The following GCA variants were observed in gnomAD, a reference collection of about 807,000 sequenced individuals.
The protein encoded by GCA is grancalcin.
A neutral mutation model predicts 32.6 loss-of-function variants in GCA; 30 were observed. That is an observed-to-expected ratio of 0.92 (90% confidence interval 0.69 to 1.25). The LOEUF is 1.25. Ranked by LOEUF, GCA falls within the 50% of genes most tolerant of loss-of-function variation. GCA has a pLI of 0.00. For missense variants in GCA, 291 were observed against 266.8 expected, an observed-to-expected ratio of 1.09 and a Z score of -0.63; for synonymous variants, 102 against 84.6, an observed-to-expected ratio of 1.21 and a Z score of -1.13.
At chr2:162,368,013 T>C (rs1037292589), downstream of GCA, among the ~76,000 whole-genome samples, 6 of 151,960 alleles carry the variant, frequency 3.9e-5, no homozygotes, top group Non-Finnish European at 8.8e-5. Flanking sequence ...TCTACATTAG[T>C]AATTCTCAAA....
intron 5 of GCA, among the ~76,000 whole-genome samples, chr2:162,357,196 T>A (rs893755080): frequency 2.0e-5 from 3 of 151,886 alleles, no homozygotes; most frequent in African/African-American, 7.2e-5. Context: ...TTGTATTCTT[T>A]TATAACTTGG....
chr2:162,371,183 G>A (rs2105379242), intron 4 of GCA: 1 of 366,536 alleles, frequency 2.7e-6, no homozygotes, highest in Non-Finnish European at 5.3e-6. Flanking sequence ...AAATGCAATT[G>A]GTGACATAAT....
intron 1 of GCA, among the ~76,000 whole-genome samples, chr2:162,328,953 G>A (rs529100588): frequency 4.1e-4 from 63 of 152,256 alleles, no homozygotes; most frequent in Non-Finnish European, 7.5e-4. Context: ...GCCAAACTCC[G>A]CATCATTCTG....
chr2:162,322,791 T>G (rs1683728697), intron 1 of GCA, among the ~76,000 whole-genome samples: 1 of 151,782 alleles, frequency 6.6e-6, no homozygotes, highest in South Asian at 2.1e-4. Context: ...CCACATTTTC[T>G]TAATCCAGTC....
downstream of GCA, among the ~76,000 whole-genome samples, chr2:162,365,460 A>G (rs1445753681): frequency 6.6e-6 from 1 of 151,702 alleles, no homozygotes; most frequent in Non-Finnish European, 1.5e-5. Flanking sequence ...TCTGCACAGA[A>G]TATTTCAAAA....
rs766783966 is a variant in GCA at position 162,359,550 on chromosome 2, G to T, written c.625G>T (p.Asp209Tyr). 3 of 1,504,292 alleles carry T rather than the reference G, an allele frequency of 2.0e-6. No homozygotes were observed. The highest frequency in any genetic ancestry group is 2.8e-6 in the Non-Finnish European group (3 of 1,089,868). The allele number at this position is 1,504,292 out of a possible 1,614,324, so 93.2% of individuals were successfully genotyped here. The part of the protein sequence containing the change: ...QQGSANFIYD[D>Y]FLQGTMAI ...AGGGTCTGCGAATTTCATATATGAC[G>T]ATGTGAGTATCCTGCTTTTGATATT... Residue 209 changes from aspartate (D) to tyrosine (Y), a missense_variant and splice_region_variant, in exon 7 of 8, where the codon GAT becomes TAT. Transcript: ENST00000437150.
At chr2:162,369,139 C>A (rs2105373834) in intron 4 of GCA, among the ~76,000 whole-genome samples, 1 of 152,204 alleles carries the variant, frequency 6.6e-6, no homozygotes, top group East Asian at 1.9e-4. Flanking sequence ...TTCAACCTGG[C>A]TCTCGGCATG....
chr2:162,347,858 A>G, intron 2 of GCA, 116 bp downstream of exon 2: 1 of 541,182 alleles, frequency 1.8e-6, no homozygotes, highest in Non-Finnish European at 2.9e-6. Flanking sequence ...ATATGTATCT[A>G]GACTAATTTT....
chr2:162,362,092 C>T lies in GCA; in HGVS notation c.*1849C>T. 5.1e-6 allele frequency: 5 copies of T among 983,710 alleles called. No homozygotes were observed. Among genetic ancestry groups the T allele is most frequent in the Non-Finnish European group, 6.0e-6 (5 of 828,650 alleles). 60.9% of individuals were successfully genotyped at this position (983,710 alleles called of 1,614,324 possible). A position where few individuals can be genotyped will look rare whatever the true frequency, so the allele number is the denominator to read the frequency against. ...TAAAAATGTTCTTATGACTTTTGGT[C>T]ATAGAAGGTCTATGAAGGAGCTTCC... On this transcript the variant is annotated 3_prime_UTR_variant, in exon 8 of 8. Coordinates refer to ENST00000437150, the MANE Select transcript of GCA (RefSeq NM_012198.5).
At chr2:162,352,734 A>AGATGAG (rs985143489) in intron 3 of GCA, among the ~76,000 whole-genome samples, 12 of 152,208 alleles carry the variant, frequency 7.9e-5, no homozygotes, top group Admixed American at 2.6e-4. Flanking sequence ...CTGCTATGAA[A>AGATGAG]GATGAGGATT....
intron 1 of GCA, among the ~76,000 whole-genome samples, chr2:162,324,961 T>C (rs564501425): frequency 3.9e-5 from 6 of 152,172 alleles, no homozygotes; most frequent in East Asian, 1.9e-4. Context: ...TCCGATTGCC[T>C]GACCATTTGG....
chr2:162,371,175 A>G (rs567558130), intron 4 of GCA: 12 of 355,116 alleles, frequency 3.4e-5, no homozygotes, highest in Middle Eastern at 4.6e-4. Context: ...TGGTTTGTAA[A>G]TGCAATTGGT....
In GCA at chr2:162,362,950, A is replaced by G. The variant is rs1685638585; in HGVS notation, c.*2707A>G. 1.3e-5 allele frequency among the ~76,000 whole-genome samples: 2 copies of G among 151,394 alleles called. No homozygotes were observed. The highest frequency in any genetic ancestry group is 1.3e-4 in the Admixed American group (2 of 15,114). ...ATGTTTATTTCCAAAAAAGGCATTT[A>G]CCCTAGAAGAAAGTAGAATCTGTTA... On this transcript the variant is annotated 3_prime_UTR_variant, in exon 8 of 8. Coordinates refer to ENST00000437150, the MANE Select transcript of GCA (RefSeq NM_012198.5).
At chr2:162,337,890 A>G (rs1684320502) in intron 1 of GCA, among the ~76,000 whole-genome samples, 1 of 152,168 alleles carries the variant, frequency 6.6e-6, no homozygotes, top group African/African-American at 2.4e-5. Context: ...TTGTGTAGTG[A>G]AAGGTGACAG....
At chr2:162,353,353 A>G (rs897424587) in intron 3 of GCA, among the ~76,000 whole-genome samples, 4 of 152,122 alleles carry the variant, frequency 2.6e-5, no homozygotes, top group Non-Finnish European at 4.4e-5. Flanking sequence ...CTGTAGTCCC[A>G]GCTACTCGGG....
At chr2:162,339,781 C>T (rs904180385), upstream of GCA, among the ~76,000 whole-genome samples, 5 of 152,206 alleles carry the variant, frequency 3.3e-5, no homozygotes, top group African/African-American at 9.6e-5. Context: ...AGGCACTGAC[C>T]TTGTGGGCAG....
rs1012710014 is a variant in GCA, at chr2:162,361,533, G to T, written c.*1290G>T. ...CATGTTTCTTAATGGATGGAGGATA[G>T]ATGGCAATATCTTGAACAAAATCTT... On this transcript the variant is annotated 3_prime_UTR_variant, in exon 8 of 8. Coordinates refer to ENST00000437150, the MANE Select transcript of GCA (RefSeq NM_012198.5). 3.1e-6 allele frequency: 3 copies of T among 980,314 alleles called. No individual in the cohort carries two copies. The African/African-American group carries it at 5.3e-5, about 17-fold the overall frequency. The allele number at this position is 980,314 out of a possible 1,614,324, so 60.7% of individuals were successfully genotyped here. A position where few individuals can be genotyped will look rare whatever the true frequency, so the allele number is the denominator to read the frequency against.
At chr2:162,336,408 TCAGA>T (rs1411454639) in intron 1 of GCA, among the ~76,000 whole-genome samples, 2 of 152,244 alleles carry the variant, frequency 1.3e-5, no homozygotes, top group East Asian at 3.8e-4. Flanking sequence ...ATGTCCTCAC[TCAGA>T]CATTTTTTGT....
chr2:162,346,666 G>A (rs1298412590), intron 1 of GCA: 2 of 152,156 alleles, frequency 1.3e-5, no homozygotes, highest in Non-Finnish European at 2.9e-5. Flanking sequence ...GGCCAACAAG[G>A]TTCATCCCTA....
Sources: allele counts gnomAD v4.1 joint callset (sites outside exome capture counted in the v4.1 genomes callset), GRCh38; gene constraint gnomAD v4.1.1; transcripts MANE v1.5; gene names NCBI Gene and HGNC (gene_info 2026-07-23, HGNC 2026-07-21).